Variants in RAPGEF1 observed in about 807,000 individuals in gnomAD.
The protein encoded by RAPGEF1 is CRK SH3-binding GNRP.
Under a neutral mutation model 143.3 loss-of-function variants are expected in RAPGEF1, and 33 were observed. The observed-to-expected ratio is 0.23, with a 90% CI of 0.17 to 0.31. RAPGEF1 has a LOEUF of 0.31. Ranked by LOEUF, RAPGEF1 falls within the 10% of genes least tolerant of loss-of-function variation. The pLI is 1.00. For missense variants in RAPGEF1, 1,199 were observed against 1,645.4 expected, an observed-to-expected ratio of 0.73 and a Z score of 4.69; for synonymous variants, 629 against 676.5, an observed-to-expected ratio of 0.93 and a Z score of 1.09.
At chr9:131,695,699 A>G (rs1834118286) in intron 1 of RAPGEF1, among the ~76,000 whole-genome samples, 1 of 152,234 alleles carries the variant, frequency 6.6e-6, no homozygotes, top group Admixed American at 6.5e-5. Flanking sequence ...GTCCATATGC[A>G]GCCATCTGCT....
chr9:131,602,317 C>T (rs1956406090), intron 14 of RAPGEF1, among the ~76,000 whole-genome samples, 168 bp from the exon 15 acceptor site: 1 of 152,204 alleles, frequency 6.6e-6, no homozygotes, highest in African/African-American at 2.4e-5. Context: ...AAACACAAGC[C>T]CTCAAGACTA....
intron 12 of RAPGEF1, among the ~76,000 whole-genome samples, chr9:131,609,440 T>C (rs191533393): frequency 6.3e-4 from 96 of 152,256 alleles, no homozygotes; most frequent in African/African-American, 2.3e-3. Context: ...GCCCTAACCA[T>C]GCAATCCCAC....
intron 5 of RAPGEF1, among the ~76,000 whole-genome samples, chr9:131,630,963 A>T (rs1411412778): frequency 6.6e-6 from 1 of 151,936 alleles, no homozygotes; most frequent in East Asian, 1.9e-4. Flanking sequence ...TTTTTAAATT[A>T]GAATGCATTT....
chr9:131,723,466 C>T (rs545648994), intron 1 of RAPGEF1, among the ~76,000 whole-genome samples: 11 of 152,282 alleles, frequency 7.2e-5, no homozygotes, highest in Middle Eastern at 3.4e-3. Flanking sequence ...GCCACCTCAG[C>T]GCCTTTCGGT....
intron 1 of RAPGEF1, among the ~76,000 whole-genome samples, chr9:131,662,154 C>A (rs1051406740): frequency 6.6e-6 from 1 of 152,200 alleles, no homozygotes; most frequent in Non-Finnish European, 1.5e-5. Context: ...TGCTCACACA[C>A]TGCACCAGCC....
intron 22 of RAPGEF1, among the ~76,000 whole-genome samples, chr9:131,585,362 A>G (rs1952535530): frequency 6.8e-6 from 1 of 146,256 alleles, no homozygotes; most frequent in African/African-American, 2.7e-5. Flanking sequence ...AATTTTTTGT[A>G]GGGGGGGGGC....
At chr9:131,726,835 A>G (rs527865742) in intron 1 of RAPGEF1, among the ~76,000 whole-genome samples, 1 of 152,182 alleles carries the variant, frequency 6.6e-6, no homozygotes, top group South Asian at 2.1e-4. Context: ...ACCTGTCTCT[A>G]CAAAAAAAAT....
chr9:131,588,169 A>G (rs941679109), intron 20 of RAPGEF1, 143 bp from the exon 21 acceptor site: 14 of 692,422 alleles, frequency 2.0e-5, no homozygotes, highest in East Asian at 2.7e-5. Context: ...GGAAGCCCCA[A>G]AAGGCTCCCT....
intron 22 of RAPGEF1, among the ~76,000 whole-genome samples, chr9:131,585,366 G>GGT (rs1564449894): frequency 2.2e-4 from 33 of 151,548 alleles, no homozygotes; most frequent in Non-Finnish European, 1.0e-4. Flanking sequence ...TTTTGTAGGG[G>GGT]GGGGGCGTCT....
At chr9:131,669,976 ACCACTT>A (rs1168408683) in intron 1 of RAPGEF1, among the ~76,000 whole-genome samples, 2 of 152,092 alleles carry the variant, frequency 1.3e-5, no homozygotes, top group Non-Finnish European at 2.9e-5. Flanking sequence ...AATGACTAGG[ACCACTT>A]CTTGTGCAGT....
chr9:131,714,058 T>C (rs1835691559), intron 1 of RAPGEF1, among the ~76,000 whole-genome samples: 1 of 152,178 alleles, frequency 6.6e-6, no homozygotes. Flanking sequence ...GAATAATTTT[T>C]TTTTTTAAGA....
rs62583105 is a variant in RAPGEF1, at chr9:131,721,215, A to T, written c.61+18555T>A. ...TTGTGGAACGCGATAGATGTTAATG[A>T]TTACTCCCTCAGTGTTTTCTCATCC... On this transcript the variant is annotated intron_variant, in intron 1 of 26. Transcript: ENST00000683357. Among the ~76,000 whole-genome samples the T allele has an allele frequency of 5.6e-3, 846 of 152,270 alleles. 4 individuals carry two copies. The highest frequency in any genetic ancestry group is 8.1e-3 in the Non-Finnish European group (552 of 68,028).
intron 5 of RAPGEF1, among the ~76,000 whole-genome samples, chr9:131,632,621 C>A (rs915385966): frequency 2.6e-5 from 4 of 152,050 alleles, no homozygotes; most frequent in Non-Finnish European, 5.9e-5. Context: ...CATGATAGAA[C>A]CAGACAATGG....
chr9:131,588,709 G>T, intron 20 of RAPGEF1, 92 bp downstream of exon 20: 1 of 1,342,732 alleles, frequency 7.4e-7, no homozygotes. Context: ...GCAGAACCAG[G>T]ATGGGGCTGT....
At chr9:131,626,916 T>C (rs1963291737) in intron 9 of RAPGEF1, among the ~76,000 whole-genome samples, 2 of 152,190 alleles carry the variant, frequency 1.3e-5, no homozygotes, top group South Asian at 4.1e-4. Flanking sequence ...GCCTGGCCAA[T>C]GTGGCAAAAC....
At chr9:131,594,349 T>G (rs1954873877) in intron 17 of RAPGEF1, among the ~76,000 whole-genome samples, 1 of 152,224 alleles carries the variant, frequency 6.6e-6, no homozygotes. Flanking sequence ...AGTGACAGGC[T>G]TGGCACACAG....
At chr9:131,604,244 G>C (rs1208311836) in intron 13 of RAPGEF1, among the ~76,000 whole-genome samples, 191 bp from the exon 14 acceptor site, 1 of 152,240 alleles carries the variant, frequency 6.6e-6, no homozygotes, top group Non-Finnish European at 1.5e-5. Flanking sequence ...AATGGTGTCT[G>C]GGGCTAAATC....
At chr9:131,734,648 T>A (rs1837302081) in intron 1 of RAPGEF1, among the ~76,000 whole-genome samples, 1 of 152,092 alleles carries the variant, frequency 6.6e-6, no homozygotes, top group African/African-American at 2.4e-5. Context: ...ATTTGACGAG[T>A]TTAAAATTGA....
intron 1 of RAPGEF1, among the ~76,000 whole-genome samples, chr9:131,709,218 G>C (rs1835325051): frequency 6.6e-6 from 1 of 152,182 alleles, no homozygotes; most frequent in African/African-American, 2.4e-5. Flanking sequence ...GTGGTGGCGG[G>C]TGCCTGTAAT....
Sources: allele counts gnomAD v4.1 joint callset (sites outside exome capture counted in the v4.1 genomes callset), GRCh38; gene constraint gnomAD v4.1.1; transcripts MANE v1.5; gene names NCBI Gene and HGNC (gene_info 2026-07-23, HGNC 2026-07-21).